The following MMD variants were observed in gnomAD, a reference collection of about 807,000 sequenced individuals.
MMD encodes monocyte to macrophage differentiation factor.
A neutral mutation model predicts 33.6 loss-of-function variants in MMD; 22 were observed. The observed-to-expected ratio is 0.66, with a 90% CI of 0.47 to 0.94. The LOEUF (loss-of-function observed/expected upper bound fraction) is 0.94, where lower values mean the gene tolerates loss of function less well. Among genes scored for constraint, MMD ranks in the 40% least tolerant of loss-of-function variants. The pLI is 0.00. For synonymous variants in MMD, 97 were observed against 103.2 expected (o/e 0.94, Z 0.36); for missense variants, 242 against 309.8 (o/e 0.78, Z 1.64).
chr17:55,413,041 T>C (rs773472868), intron 2 of MMD, among the ~76,000 whole-genome samples: 6 of 152,174 alleles, frequency 3.9e-5, no homozygotes, highest in African/African-American at 9.7e-5. Context: ...AAAATTAATA[T>C]GGGGGTTTTG....
chr17:55,401,611 T>C, intron 5 of MMD, 73 bp from the exon 6 acceptor site: 1 of 1,252,878 alleles, frequency 8.0e-7, no homozygotes, highest in Non-Finnish European at 1.1e-6. Context: ...TACCAGCCTT[T>C]CCTTTTTACT....
chr17:55,399,729 A>G (rs960051700), intron 6 of MMD, among the ~76,000 whole-genome samples: 4 of 152,182 alleles, frequency 2.6e-5, no homozygotes, highest in African/African-American at 9.7e-5. Flanking sequence ...ATCAAATTTC[A>G]TGATCTCTTT....
chr17:55,411,108 T>A, intron 3 of MMD, 149 bp downstream of exon 3: 1 of 880,408 alleles, frequency 1.1e-6, no homozygotes. Context: ...AAAGAACAAG[T>A]CCTGAATAAT....
At chr17:55,401,399 C>T in intron 6 of MMD, 70 bp downstream of exon 6, 2 of 1,295,520 alleles carry the variant, frequency 1.5e-6, no homozygotes, top group Non-Finnish European at 2.2e-6. Context: ...AGCTACATAT[C>T]ATATCCATAA....
At chr17:55,403,154 C>A (rs958316677) in intron 5 of MMD, among the ~76,000 whole-genome samples, 1 of 152,144 alleles carries the variant, frequency 6.6e-6, no homozygotes, top group African/African-American at 2.4e-5. Flanking sequence ...ACTTTTTAAT[C>A]ATGAAGTTGG....
chr17:55,407,702 A>G (rs772725254), intron 4 of MMD, 44 bp downstream of exon 4: 1 of 1,549,030 alleles, frequency 6.5e-7, no homozygotes, highest in East Asian at 2.3e-5. Context: ...AGGAATTCTA[A>G]TCATAAAATC....
intron 5 of MMD, 91 bp downstream of exon 5, chr17:55,403,676 G>T: frequency 2.4e-6 from 2 of 835,086 alleles, no homozygotes; most frequent in Non-Finnish European, 1.9e-6. Context: ...CTACTGTTTT[G>T]AAGTACAAAT....
intron 1 of MMD, among the ~76,000 whole-genome samples, chr17:55,417,353 C>T (rs11653692): frequency 0.37 from 56,487 of 151,944 alleles, 11,426 homozygotes; most frequent in Non-Finnish European, 0.46. Context: ...GTGGTGTGCA[C>T]CTGTAATCCC....
intron 4 of MMD, 25 bp downstream of exon 4, chr17:55,407,721 C>T (rs766350312): frequency 1.9e-6 from 3 of 1,582,032 alleles, no homozygotes; most frequent in African/African-American, 1.4e-5. Flanking sequence ...TCACTACCTT[C>T]GAAAATAGGA....
At position 55,394,168 on chromosome 17, in the gene MMD, A is replaced by C; in HGVS notation, c.*166T>G. ...CTACCTTATTTATTTGCTGTGAGGC[A>C]GAAAATTCCAGAACACAGCCTTTAT... On this transcript the variant is annotated 3_prime_UTR_variant, in exon 7 of 7. Coordinates refer to ENST00000262065, the MANE Select transcript of MMD (RefSeq NM_012329.3). 1 of 500,466 alleles carries C rather than the reference A, an allele frequency of 2.0e-6. No individual in the cohort carries two copies. 31.0% of individuals were successfully genotyped at this position (500,466 alleles called of 1,614,324 possible). A position where few individuals can be genotyped will look rare whatever the true frequency, so the allele number is the denominator to read the frequency against.
At chr17:55,414,303 T>A in intron 1 of MMD, 71 bp from the exon 2 acceptor site, 1 of 1,386,958 alleles carries the variant, frequency 7.2e-7, no homozygotes, top group Non-Finnish European at 1.0e-6. Context: ...AACCCACCAG[T>A]GGGTATGTGG....
At chr17:55,405,193 C>T (rs932022792) in intron 4 of MMD, among the ~76,000 whole-genome samples, 1 of 151,352 alleles carries the variant, frequency 6.6e-6, no homozygotes, top group African/African-American at 2.4e-5. Context: ...CATGGTGAAA[C>T]CCCATCTCTA....
intron 6 of MMD, among the ~76,000 whole-genome samples, chr17:55,397,519 A>C (rs1040499760): frequency 6.7e-6 from 1 of 149,520 alleles, no homozygotes. Context: ...TTATTTATTT[A>C]TTTATTTTAT....
chr17:55,419,345 T>C (rs1329517197), intron 1 of MMD, among the ~76,000 whole-genome samples: 1 of 152,214 alleles, frequency 6.6e-6, no homozygotes. Flanking sequence ...GATACTCAAG[T>C]GTGAAACATA....
At chr17:55,398,203 T>C (rs1477602997) in intron 6 of MMD, among the ~76,000 whole-genome samples, 2 of 151,832 alleles carry the variant, frequency 1.3e-5, no homozygotes, top group African/African-American at 2.4e-5. Flanking sequence ...TGTTCATTTT[T>C]AAATCACTCT....
At chr17:55,411,498 A>T (rs1426777027) in intron 2 of MMD, 81 bp from the exon 3 acceptor site, 1 of 1,403,888 alleles carries the variant, frequency 7.1e-7, no homozygotes, top group Non-Finnish European at 9.6e-7. Context: ...ACAGAGCTTT[A>T]CCAGGAACAA....
chr17:55,403,076 A>G (rs1434772787), intron 5 of MMD, among the ~76,000 whole-genome samples: 2 of 152,230 alleles, frequency 1.3e-5, no homozygotes, highest in Admixed American at 6.5e-5. Context: ...CAATGGAATC[A>G]GAACTTGGAT....
chr17:55,409,695 ATG>A (rs1237506835), intron 3 of MMD, among the ~76,000 whole-genome samples: 2 of 152,226 alleles, frequency 1.3e-5, no homozygotes, highest in Non-Finnish European at 2.9e-5. Context: ...GATTCTAGCA[ATG>A]CTATTCAAAG....
In MMD at chr17:55,394,546, G is replaced by GA. The variant is rs147641195; in HGVS notation, c.517-13dup. The GA allele has an allele frequency of 6.7e-4, 951 of 1,411,242 alleles. No individual in the cohort carries two copies. Among genetic ancestry groups the GA allele is most frequent in the South Asian group, 2.5e-3 (144 of 58,412 alleles). 87.4% of individuals were successfully genotyped at this position (1,411,242 alleles called of 1,614,324 possible). ...CCATCGGTGTTGTTCTGTCAACAGA[G>GA]AAAAAAAAATAAAAAGGGTTTGATG... On this transcript the variant is annotated splice_polypyrimidine_tract_variant and intron_variant, in intron 6 of 6. Coordinates refer to ENST00000262065, the MANE Select transcript of MMD (RefSeq NM_012329.3).
Sources: allele counts gnomAD v4.1 joint callset (sites outside exome capture counted in the v4.1 genomes callset), GRCh38; gene constraint gnomAD v4.1.1; transcripts MANE v1.5; gene names NCBI Gene and HGNC (gene_info 2026-07-23, HGNC 2026-07-21).